CLIC5: variants seen among roughly 807,000 people sequenced by gnomAD.
CLIC5 encodes CLIC family member 5, also known as chloride intracellular channel protein 5.
In CLIC5, 20 loss-of-function variants were observed where a neutral mutation model predicts 24.7. The ratio of observed to expected loss-of-function variants is 0.81; its 90% CI spans 0.57 to 1.18. The LOEUF (loss-of-function observed/expected upper bound fraction) is 1.18. CLIC5 is among the 50% of genes most tolerant of loss of function. The pLI, the probability that CLIC5 is intolerant of heterozygous loss-of-function variation, is 0.00. For synonymous variants in CLIC5, 159 were observed against 135.6 expected (o/e 1.17, Z -1.20); for missense variants, 341 against 326.1 (o/e 1.05, Z -0.35).
At chr6:45,953,064 A>G (rs1402996211) in intron 2 of CLIC5, among the ~76,000 whole-genome samples, 1 of 152,186 alleles carries the variant, frequency 6.6e-6, no homozygotes, top group Non-Finnish European at 1.5e-5. Context: ...AAGATGAAAC[A>G]AACTTCATAA....
chr6:46,105,121 T>G, the CLIC5 span, among the ~76,000 whole-genome samples: 1 of 152,212 alleles, frequency 6.6e-6, no homozygotes, highest in African/African-American at 2.4e-5. Context: ...CGCTGAGACC[T>G]TAAGAGAATG....
chr6:46,067,007 C>A (rs1233724243), intron 1 of CLIC5, among the ~76,000 whole-genome samples: 21 of 152,046 alleles, frequency 1.4e-4, no homozygotes, highest in Admixed American at 1.4e-3. Context: ...TTGCTAGGGG[C>A]AGAACATGCA....
At chr6:45,908,194 G>C (rs1447500405) in intron 5 of CLIC5, among the ~76,000 whole-genome samples, 5 of 151,852 alleles carry the variant, frequency 3.3e-5, no homozygotes, top group Admixed American at 3.3e-4. Flanking sequence ...AATGGTTTAT[G>C]GATCTTCTTT....
Position 45,903,179 on chromosome 6 carries a change from T to C in CLIC5, c.665A>G (p.Tyr222Cys). The stretch of plus-strand genomic sequence containing the variant: ...GGTGTTGGTGAACTCATCACGGGCA[T>C]AGGCGTTCTTGAGGTACCGCCACAG... ...TGLWRYLKNA[Y>C]ARDEFTNTCA... Residue 222 changes from tyrosine to cysteine, a missense_variant, in exon 6 of 6, where the codon TAT becomes TGT. Coordinates refer to ENST00000339561, the MANE Select transcript of CLIC5 (RefSeq NM_016929.5). 1 of 1,613,948 alleles carries C rather than the reference T, an allele frequency of 6.2e-7. No homozygotes were observed. Among genetic ancestry groups the C allele is most frequent in the Non-Finnish European group, 8.5e-7 (1 of 1,179,930 alleles).
intron 5 of CLIC5, chr6:45,913,842 G>A (rs1436728957): frequency 2.8e-6 from 3 of 1,081,202 alleles, no homozygotes; most frequent in African/African-American, 1.7e-5. Flanking sequence ...GCATATGAGG[G>A]CACATTTAAT....
At chr6:46,080,068 C>A in exon 1 of CLIC5, 1 of 1,551,662 alleles carries the variant, frequency 6.4e-7, no homozygotes, top group Non-Finnish European at 8.7e-7. Context: ...TAGACTGACA[C>A]AAAATCATAC....
intron 1 of CLIC5, among the ~76,000 whole-genome samples, chr6:45,980,623 T>C (rs1765536626): frequency 6.6e-6 from 1 of 151,918 alleles, no homozygotes; most frequent in African/African-American, 2.4e-5. Context: ...AAAAGAATAC[T>C]TAATGTTAAG....
chr6:45,949,471 G>A (rs1360564354), intron 2 of CLIC5, 90 bp from the exon 3 acceptor site: 7 of 1,407,890 alleles, frequency 5.0e-6, no homozygotes, highest in Non-Finnish European at 5.8e-6. Flanking sequence ...TAGATGCCCT[G>A]TGCTATCCAA....
intron 4 of CLIC5, among the ~76,000 whole-genome samples, chr6:45,932,367 A>T (rs999784320): frequency 3.9e-5 from 6 of 152,248 alleles, no homozygotes; most frequent in African/African-American, 1.4e-4. Flanking sequence ...TTGGCCTCCC[A>T]AAGTGCTGGG....
intron 3 of CLIC5, 33 bp downstream of exon 3, chr6:45,949,223 A>G: frequency 1.2e-6 from 2 of 1,603,784 alleles, no homozygotes; most frequent in Non-Finnish European, 1.7e-6. Flanking sequence ...AACCCTTCCC[A>G]TTCAACAGCC....
At chr6:46,114,958 A>G in the CLIC5 span, among the ~76,000 whole-genome samples, 1 of 152,188 alleles carries the variant, frequency 6.6e-6, no homozygotes. Flanking sequence ...GATGATAACA[A>G]GACAGCTCAT....
At position 45,901,779 on chromosome 6, in the gene CLIC5, A is replaced by C. The variant is rs1294543003; in HGVS notation, c.*1309T>G. 1 of 149,758 alleles carries C rather than the reference A, an allele frequency of 6.7e-6. No individual in the cohort carries two copies. Among genetic ancestry groups the C allele is most frequent in the Non-Finnish European group, 1.5e-5 (1 of 67,658 alleles). 9.3% of individuals were successfully genotyped at this position (149,758 alleles called of 1,614,324 possible). A position where few individuals can be genotyped will look rare whatever the true frequency, so the allele number is the denominator to read the frequency against. On this transcript the variant is annotated 3_prime_UTR_variant, in exon 6 of 6. Transcript: ENST00000339561. ...TTAAAAATTTTTCCTTTTTTTTTTC[A>C]CCTGGCAGTTGAGTCAGATTGTAGG...
At chr6:45,998,111 GA>G (rs1766217741) in intron 1 of CLIC5, among the ~76,000 whole-genome samples, 1 of 152,246 alleles carries the variant, frequency 6.6e-6, no homozygotes, top group African/African-American at 2.4e-5. Flanking sequence ...GGGCTTCACA[GA>G]ATGGCTTTCC....
chr6:46,079,860 C>G (rs1264703376), exon 1 of CLIC5: 1 of 1,552,162 alleles, frequency 6.4e-7, no homozygotes, highest in South Asian at 1.2e-5. Flanking sequence ...CATCACACTC[C>G]CATTCTCCTG....
intron 3 of CLIC5, among the ~76,000 whole-genome samples, chr6:45,948,636 GA>G (rs112434880): frequency 6.6e-6 from 1 of 152,116 alleles, no homozygotes; most frequent in Admixed American, 6.5e-5. Context: ...GTAAATTTTA[GA>G]AGCCATCTGT....
rs1362983635 is a variant in CLIC5 at position 45,898,603 on chromosome 6, C to A, written c.*4485G>T. The A allele has an allele frequency of 6.6e-6, 1 of 152,590 alleles. No homozygotes were observed. Among genetic ancestry groups the A allele is most frequent in the East Asian group, 1.9e-4 (1 of 5,198 alleles). The allele number at this position is 152,590 out of a possible 1,614,324, so 9.5% of individuals were successfully genotyped here. A position where few individuals can be genotyped will look rare whatever the true frequency, so the allele number is the denominator to read the frequency against. On this transcript the variant is annotated 3_prime_UTR_variant, in exon 6 of 6. Transcript: ENST00000339561. ...TTTTACATTTATTAAGGCTTGAAAG[C>A]AAGTCCTGTTATTCATCACCATAGT...
chr6:46,085,020 C>T (rs1208913139), upstream of CLIC5, among the ~76,000 whole-genome samples: 1 of 152,140 alleles, frequency 6.6e-6, no homozygotes, highest in Non-Finnish European at 1.5e-5. Context: ...TCATTTCATT[C>T]ATTTCATCTT....
chr6:45,955,286 T>C (rs776040710), intron 1 of CLIC5, 42 bp from the exon 2 acceptor site: 3 of 1,426,870 alleles, frequency 2.1e-6, no homozygotes, highest in Non-Finnish European at 3.0e-6. Context: ...GCAGGTGCAA[T>C]TAGCAAGGGG....
intron 4 of CLIC5, among the ~76,000 whole-genome samples, chr6:45,938,789 G>A (rs1003360529): frequency 6.6e-6 from 1 of 152,154 alleles, no homozygotes. Context: ...TAATCTTTCT[G>A]AGGGCACTTT....
Sources: gnomAD v4.1 joint callset for allele counts (sites outside exome capture counted in the v4.1 genomes callset) on GRCh38, gnomAD v4.1.1 for gene constraint, MANE v1.5 for transcripts, NCBI Gene and HGNC (gene_info 2026-07-23, HGNC 2026-07-21) for gene names.